CACNG2: variants seen among roughly 807,000 people sequenced by gnomAD.
CACNG2 encodes calcium voltage-gated channel auxiliary subunit gamma 2.
In CACNG2, 3 loss-of-function variants were observed where a neutral mutation model predicts 25.9. The observed-to-expected ratio is 0.12, with a 90% confidence interval of 0.05 to 0.30. CACNG2 has a LOEUF of 0.30. Ranked by LOEUF, CACNG2 falls within the 10% of genes least tolerant of loss-of-function variation. The pLI, the probability that CACNG2 is intolerant of heterozygous loss-of-function variation, is 1.00. For synonymous variants in CACNG2, 167 were observed against 173.3 expected (o/e 0.96, Z 0.29); for missense variants, 341 against 432.5 (o/e 0.79, Z 1.88).
chr22:36,625,026 CAA>C (rs57987215), intron 1 of CACNG2, among the ~76,000 whole-genome samples: 17 of 67,616 alleles, frequency 2.5e-4, no homozygotes, highest in Admixed American at 4.1e-4. Flanking sequence ...GACTCTGTCT[CAA>C]AAAAAAAAAA....
chr22:36,615,720 A>G (rs1936011934), intron 1 of CACNG2, among the ~76,000 whole-genome samples: 1 of 152,240 alleles, frequency 6.6e-6, no homozygotes, highest in Non-Finnish European at 1.5e-5. Flanking sequence ...TTGCAGCACC[A>G]GAGTATAGAC....
intron 3 of CACNG2, 100 bp downstream of exon 3, chr22:36,566,253 T>G (rs1935122232): frequency 8.1e-7 from 1 of 1,229,944 alleles, no homozygotes; most frequent in African/African-American, 1.5e-5. Context: ...GGAGATTTCC[T>G]CTCCTCTCTC....
intron 1 of CACNG2, among the ~76,000 whole-genome samples, chr22:36,678,433 G>A (rs1259638796): frequency 1.3e-5 from 2 of 151,940 alleles, no homozygotes; most frequent in African/African-American, 2.4e-5. Flanking sequence ...TTAGGGATCA[G>A]CCCACTCTCT....
rs1424462928 is a variant in CACNG2, at chr22:36,564,948, T to C, written c.437-62A>G. 1.1e-5 allele frequency: 16 copies of C among 1,503,008 alleles called. No homozygotes were observed. The highest frequency in any genetic ancestry group is 1.5e-5 in the Non-Finnish European group (16 of 1,093,076). 93.1% of individuals were successfully genotyped at this position (1,503,008 alleles called of 1,614,324 possible). ...AGAAGGACGTTAGTTTCTCAGGAAGTCGGCCACAGGGCAGCCGTAAAGGAC... is the reference window on the plus strand; with the variant it reads ...AGAAGGACGTTAGTTTCTCAGGAAGCCGGCCACAGGGCAGCCGTAAAGGAC... On this transcript the variant is annotated intron_variant, in intron 3 of 3. Transcript: ENST00000300105. This position sits in a 1 kb window ranked among gnomAD's most constrained non-coding sequence, Gnocchi z 6.7.
At position 36,564,831 on chromosome 22, in the gene CACNG2, G is replaced by A. The variant is rs144838444; in HGVS notation, c.492C>T (p.Pro164=). Residue 164 remains proline, a synonymous_variant, in exon 4 of 4, where the codon CCC becomes CCT. Coordinates refer to ENST00000300105, the MANE Select transcript of CACNG2 (RefSeq NM_006078.5). The surrounding 1 kb of genome is among the most constrained non-coding windows in gnomAD (Gnocchi z 6.7). ...TATTCTTTTTGGAGTCGCTCTTGGA[G>A]GGGTCTCCGGCATTGGCAGATATGT... ...IVYISANAGD[P]SKSDSKKNSY... is the part of the protein sequence containing the mutation. 4.3e-6 allele frequency: 7 copies of A among 1,614,044 alleles called. No homozygotes were observed. In the African/African-American group the frequency reaches 9.3e-5, roughly 22 times the overall value.
intron 1 of CACNG2, among the ~76,000 whole-genome samples, chr22:36,677,020 A>G (rs1569049178): frequency 6.6e-6 from 1 of 151,710 alleles, no homozygotes; most frequent in Non-Finnish European, 1.5e-5. Flanking sequence ...CAGCAAGAAT[A>G]ATACTTCGGT....
At chr22:36,567,938 C>T (rs1935156188) in intron 2 of CACNG2, among the ~76,000 whole-genome samples, 1 of 152,094 alleles carries the variant, frequency 6.6e-6, no homozygotes. Flanking sequence ...CAACTTCTGC[C>T]TCCTGGGTTC....
intron 2 of CACNG2, among the ~76,000 whole-genome samples, chr22:36,582,135 T>C (rs1935427597): frequency 6.6e-6 from 1 of 152,218 alleles, no homozygotes. Context: ...GAGTTTTAAC[T>C]CTTCTGTCGG....
intron 3 of CACNG2, among the ~76,000 whole-genome samples, chr22:36,565,855 G>A (rs111610032): frequency 2.0e-5 from 3 of 152,314 alleles, no homozygotes; most frequent in African/African-American, 4.8e-5. Flanking sequence ...CATCTGAAGT[G>A]AGTGTGACTC....
At chr22:36,680,951 C>CAGATTCT (rs1320748869) in intron 1 of CACNG2, among the ~76,000 whole-genome samples, 2 of 151,910 alleles carry the variant, frequency 1.3e-5, no homozygotes, top group Non-Finnish European at 2.9e-5. Flanking sequence ...CTTTATGTCT[C>CAGATTCT]AGATTCTTTT....
At chr22:36,684,135 CA>C (rs1791586047) in intron 1 of CACNG2, among the ~76,000 whole-genome samples, 1 of 152,164 alleles carries the variant, frequency 6.6e-6, no homozygotes, top group Admixed American at 6.5e-5. Context: ...AACGCTTTTG[CA>C]AAGTGAATGG....
At chr22:36,698,438 A>G (rs142933333) in intron 1 of CACNG2, among the ~76,000 whole-genome samples, 1 of 152,330 alleles carries the variant, frequency 6.6e-6, no homozygotes. Context: ...GTGTCTGGGA[A>G]AGGCTATTGG....
chr22:36,646,726 C>T (rs1196552904), intron 1 of CACNG2, among the ~76,000 whole-genome samples: 1 of 151,656 alleles, frequency 6.6e-6, no homozygotes, highest in African/African-American at 2.4e-5. Context: ...TCAGCTTTCC[C>T]CCAACCCTTT....
At chr22:36,683,425 C>A (rs1394903099) in intron 1 of CACNG2, among the ~76,000 whole-genome samples, 2 of 152,192 alleles carry the variant, frequency 1.3e-5, no homozygotes, top group Non-Finnish European at 2.9e-5. Flanking sequence ...TGCCTGCATT[C>A]TCTCTGACCC....
intron 1 of CACNG2, among the ~76,000 whole-genome samples, chr22:36,695,213 C>T (rs1334792092): frequency 5.9e-5 from 9 of 151,388 alleles, no homozygotes; most frequent in Admixed American, 5.3e-4. Flanking sequence ...GAGACTCTGT[C>T]TCTTAAAAAA....
chr22:36,610,437 G>A (rs1935923130), intron 1 of CACNG2, among the ~76,000 whole-genome samples: 1 of 152,248 alleles, frequency 6.6e-6, no homozygotes, highest in African/African-American at 2.4e-5. Context: ...TGGTCCCTGG[G>A]ACAAGTGTAA....
chr22:36,570,609 A>G (rs1935209067), intron 2 of CACNG2, among the ~76,000 whole-genome samples: 1 of 152,032 alleles, frequency 6.6e-6, no homozygotes, highest in African/African-American at 2.4e-5. Flanking sequence ...AAAAAAACAC[A>G]AAAATTAGCC....
intron 1 of CACNG2, among the ~76,000 whole-genome samples, chr22:36,672,397 G>C (rs191328147): frequency 3.1e-4 from 47 of 152,240 alleles, no homozygotes; most frequent in African/African-American, 1.1e-3. Context: ...AACTCAAGCC[G>C]TCCTCCTGCC....
chr22:36,682,389 T>C (rs1390893756), intron 1 of CACNG2, among the ~76,000 whole-genome samples: 1 of 152,180 alleles, frequency 6.6e-6, no homozygotes, highest in Non-Finnish European at 1.5e-5. Context: ...AAACCTTTGG[T>C]ATACAGGAGG....
Sources: allele counts gnomAD v4.1 joint callset (sites outside exome capture counted in the v4.1 genomes callset), GRCh38; gene constraint gnomAD v4.1.1; non-coding constraint Gnocchi (gnomAD v3.1); transcripts MANE v1.5; gene names NCBI Gene and HGNC (gene_info 2026-07-23, HGNC 2026-07-21).